The following DAB2 variants were observed in gnomAD, a reference collection of about 807,000 sequenced individuals.
DAB2 encodes the protein DAB adaptor protein 2, also known as disabled homolog 2.
DAB2 carries 28 observed loss-of-function variants against 71.6 expected under a neutral mutation model. The ratio of observed to expected loss-of-function variants is 0.39; its 90% confidence interval spans 0.29 to 0.54. The LOEUF (loss-of-function observed/expected upper bound fraction) is 0.54. DAB2 is among the 20% of genes least tolerant of loss of function. The pLI, the probability that DAB2 is intolerant of heterozygous loss-of-function variation, is 0.68. For synonymous variants in DAB2, 345 were observed against 339.7 expected, an observed-to-expected ratio of 1.02 and a Z score of -0.17; for missense variants, 867 against 928.8, an observed-to-expected ratio of 0.93 and a Z score of 0.86.
At position 39,392,472 on chromosome 5, in the gene DAB2, G is replaced by T. The variant is rs201653258; in HGVS notation, c.232-9C>A. 2.5e-6 allele frequency: 4 copies of T among 1,601,500 alleles called. No homozygotes were observed. Among genetic ancestry groups the T allele is most frequent in the Admixed American group, 1.7e-5 (1 of 59,768 alleles). The stretch of plus-strand genomic sequence containing the variant: ...CCAGCTGCCGCCATTCCCTGATGAG[G>T]GTGGAAAAACAAGAGAAGTTGAATT... On this transcript the variant is annotated splice_polypyrimidine_tract_variant and intron_variant, in intron 3 of 14. Coordinates refer to ENST00000320816, the MANE Select transcript of DAB2 (RefSeq NM_001343.4).
intron 14 of DAB2, among the ~76,000 whole-genome samples, chr5:39,374,215 G>A (rs1370814702): frequency 6.6e-6 from 1 of 152,098 alleles, no homozygotes; most frequent in Non-Finnish European, 1.5e-5. Flanking sequence ...TTTTGTTGTT[G>A]TTGTTGTTGT....
In DAB2 at chr5:39,390,509, C is replaced by T; in HGVS notation, c.397G>A (p.Ala133Thr). ...TCTCCTCCACACACGTAACCAAATG[C>T]CCGGTTGTCTGTCACATCACGGGCA... ...FIARDVTDNR[A>T]FGYVCGGEGQ... The change falls in exon 5 of 15, where the codon GCA becomes ACA. Residue 133 changes from alanine to threonine, a missense_variant. Physicochemically the swap from Ala to Thr is moderately conservative, Grantham distance 58. Around this residue, in one of 2 missense-constraint regions of DAB2, gnomAD observed 127 missense variants for 194.4 expected, o/e 0.65. Transcript: ENST00000320816. The T allele has an allele frequency of 6.2e-7, 1 of 1,614,002 alleles. No homozygotes were observed. The highest frequency in any genetic ancestry group is 8.5e-7 in the Non-Finnish European group (1 of 1,179,974).
chr5:39,376,499 G>T, intron 12 of DAB2, 151 bp downstream of exon 12: 1 of 880,372 alleles, frequency 1.1e-6, no homozygotes, highest in Non-Finnish European at 1.7e-6. Flanking sequence ...AAAGGTAAAT[G>T]GTTAAGTTGT....
intron 13 of DAB2, 108 bp downstream of exon 13, chr5:39,375,889 A>T (rs112441079): frequency 0.025 from 21,600 of 867,170 alleles, 1,758 homozygotes; most frequent in East Asian, 0.24. Context: ...CTGTCTTAAA[A>T]AAATAAATAA....
rs1039030153 is a variant in DAB2 at position 39,422,410 on chromosome 5, C to T, written c.-102+2394G>A. Among the ~76,000 whole-genome samples, 1 of 152,202 alleles carries T rather than the reference C, an allele frequency of 6.6e-6. No individual in the cohort carries two copies. The highest frequency in any genetic ancestry group is 1.5e-5 in the Non-Finnish European group (1 of 68,026). On this transcript the variant is annotated intron_variant, in intron 1 of 14. Coordinates refer to ENST00000320816, the MANE Select transcript of DAB2 (RefSeq NM_001343.4). The surrounding 1 kb of genome is among the most constrained non-coding windows in gnomAD (Gnocchi z 4.1). ...GCTCACTCTCAGCAGCTTTCCCAAG[C>T]ATTTCAGCATCTTGGCTTTGTCTTT...
intron 7 of DAB2, 110 bp from the exon 8 acceptor site, chr5:39,388,962 T>C: frequency 7.7e-7 from 1 of 1,297,370 alleles, no homozygotes; most frequent in South Asian, 1.2e-5. Context: ...ATCTTTTAAC[T>C]AAACATCTTT....
chr5:39,415,448 T>C (rs1755825218), intron 1 of DAB2, among the ~76,000 whole-genome samples: 2 of 152,176 alleles, frequency 1.3e-5, no homozygotes, highest in Non-Finnish European at 2.9e-5. Context: ...ACTTAAGAAG[T>C]ACAAGCAATT....
intron 1 of DAB2, among the ~76,000 whole-genome samples, chr5:39,399,500 A>G (rs1458349672): frequency 6.6e-6 from 1 of 152,188 alleles, no homozygotes; most frequent in Non-Finnish European, 1.5e-5. Context: ...ATAGAACAGA[A>G]AGCTGTAAAG....
intron 12 of DAB2, among the ~76,000 whole-genome samples, 181 bp from the exon 13 acceptor site, chr5:39,376,287 AT>A (rs1312965370): frequency 6.6e-6 from 1 of 152,210 alleles, no homozygotes; most frequent in African/African-American, 2.4e-5. Context: ...AGAGAAAGCC[AT>A]GCATATTTAT....
At chr5:39,375,694 G>C (rs553410532) in intron 13 of DAB2, among the ~76,000 whole-genome samples, 159 of 152,150 alleles carry the variant, frequency 1.0e-3, no homozygotes, top group South Asian at 2.1e-3. Flanking sequence ...AGACCAGTCT[G>C]GCCAACATGG....
At position 39,422,422 on chromosome 5, in the gene DAB2, T is replaced by C. The variant is rs186267618; in HGVS notation, c.-102+2382A>G. ...CAGCTTTCCCAAGCATTTCAGCATCTTGGCTTTGTCTTTAAGAAGAGCAAT... is the reference window on the plus strand; with the variant it reads ...CAGCTTTCCCAAGCATTTCAGCATCCTGGCTTTGTCTTTAAGAAGAGCAAT... On this transcript the variant is annotated intron_variant, in intron 1 of 14. Coordinates refer to ENST00000320816, the MANE Select transcript of DAB2 (RefSeq NM_001343.4). The surrounding 1 kb of genome is among the most constrained non-coding windows in gnomAD (Gnocchi z 4.1). 1.3e-5 allele frequency among the ~76,000 whole-genome samples: 2 copies of C among 152,326 alleles called. No homozygotes were observed. The highest frequency in any genetic ancestry group is 3.9e-4 in the East Asian group (2 of 5,186).
intron 5 of DAB2, 85 bp from the exon 6 acceptor site, chr5:39,390,017 G>T (rs1579909356): frequency 2.9e-6 from 3 of 1,046,670 alleles, no homozygotes; most frequent in South Asian, 1.8e-5. Flanking sequence ...ATTCATACTG[G>T]GATTTTTTTT....
chr5:39,391,348 G>T (rs1436494590), intron 4 of DAB2, among the ~76,000 whole-genome samples: 1 of 152,136 alleles, frequency 6.6e-6, no homozygotes, highest in East Asian at 1.9e-4. Context: ...ATATCTTAGA[G>T]TATCTTAGAA....
At chr5:39,374,922 C>T (rs920243162) in intron 14 of DAB2, 92 bp downstream of exon 14, 10 of 827,428 alleles carry the variant, frequency 1.2e-5, no homozygotes, top group Admixed American at 4.2e-5. Context: ...TTACCCTCTT[C>T]CCAATTCTAA....
chr5:39,418,425 A>C (rs539929587), intron 1 of DAB2: 1 of 152,320 alleles, frequency 6.6e-6, no homozygotes, highest in South Asian at 2.1e-4. Context: ...CCCTAATAGG[A>C]CACTTAAAAT....
rs577012214 is a variant in DAB2 at position 39,411,706 on chromosome 5, C to A, written c.-102+13098G>T. 2.6e-5 allele frequency among the ~76,000 whole-genome samples: 4 copies of A among 152,280 alleles called. No individual in the cohort carries two copies. In the East Asian group the frequency reaches 5.8e-4, roughly 22 times the overall value. On this transcript the variant is annotated intron_variant, in intron 1 of 14. Coordinates refer to ENST00000320816, the MANE Select transcript of DAB2 (RefSeq NM_001343.4). ...TGAAAGCCACTATTAAGTTCCTAATCCAATCTTTATTAAAAAGACTCAATA... is the reference window on the plus strand; with the variant it reads ...TGAAAGCCACTATTAAGTTCCTAATACAATCTTTATTAAAAAGACTCAATA...
chr5:39,400,233 C>CTTT (rs376493709), intron 1 of DAB2, among the ~76,000 whole-genome samples: 1 of 146,588 alleles, frequency 6.8e-6, no homozygotes, highest in Non-Finnish European at 1.5e-5. Flanking sequence ...ATGTGTCTCT[C>CTTT]TTTTTTTTTT....
At position 39,383,177 on chromosome 5, in the gene DAB2, G is replaced by T. The variant is rs1242329758; in HGVS notation, c.782C>A (p.Thr261Asn). The T allele has an allele frequency of 5.0e-6, 8 of 1,614,108 alleles. No individual in the cohort carries two copies. Among genetic ancestry groups the T allele is most frequent in the Non-Finnish European group, 6.8e-6 (8 of 1,180,004 alleles). The change falls in exon 10 of 15, where the codon ACC (threonine) becomes AAC (asparagine). Residue 261 changes from threonine (T) to asparagine (N), a missense_variant. Thr to Asn is a moderately conservative substitution (Grantham distance 65, BLOSUM62 0). Transcript: ENST00000320816. ...RENPFLTNGI[T>N]SCSLPRPTPQ... is the part of the protein sequence containing the mutation. Reference sequence around the variant, plus strand: ...CGTTGGTCGAGGAAGAGAACAGGAGGTGATGCCGTTTGTTAAGAATGGATT... The same window carrying T: ...CGTTGGTCGAGGAAGAGAACAGGAGTTGATGCCGTTTGTTAAGAATGGATT...
intron 9 of DAB2, chr5:39,385,340 G>A (rs1237851745): frequency 2.0e-5 from 3 of 152,176 alleles, no homozygotes; most frequent in African/African-American, 7.2e-5. Context: ...AGTGTTCACA[G>A]CTGGTAGAGT....
Sources: allele counts gnomAD v4.1 joint callset (sites outside exome capture counted in the v4.1 genomes callset), GRCh38; gene constraint gnomAD v4.1.1; regional missense constraint gnomAD v4.1.1; non-coding constraint Gnocchi (gnomAD v3.1); transcripts MANE v1.5; gene names NCBI Gene and HGNC (gene_info 2026-07-23, HGNC 2026-07-21).